SPTSSA: variants seen among roughly 807,000 people sequenced by gnomAD.
SPTSSA encodes small subunit of serine palmitoyltransferase A.
SPTSSA carries 8 observed loss-of-function variants against 9.1 expected under a neutral mutation model. The observed-to-expected ratio is 0.88, with a 90% CI of 0.51 to 1.58. SPTSSA has a LOEUF of 1.58. SPTSSA is among the 40% of genes most tolerant of loss of function. SPTSSA has a pLI of 0.00. For missense variants in SPTSSA, 100 were observed against 93.8 expected, an observed-to-expected ratio of 1.07 and a Z score of -0.27; for synonymous variants, 42 against 37.7, an observed-to-expected ratio of 1.11 and a Z score of -0.41.
At chr14:34,456,212 C>G (rs947078453) in intron 1 of SPTSSA, among the ~76,000 whole-genome samples, 1 of 151,210 alleles carries the variant, frequency 6.6e-6, no homozygotes, top group African/African-American at 2.4e-5. Context: ...ATCCCAGCTA[C>G]TTGGGAGGCT....
intron 1 of SPTSSA, among the ~76,000 whole-genome samples, chr14:34,461,157 A>G (rs1878608227): frequency 1.3e-5 from 2 of 152,240 alleles, no homozygotes; most frequent in South Asian, 4.1e-4. Flanking sequence ...GTTTTGTGAA[A>G]TACCTGTTTT....
chr14:34,454,470 C>T (rs1883578769), intron 1 of SPTSSA, among the ~76,000 whole-genome samples: 1 of 152,192 alleles, frequency 6.6e-6, no homozygotes, highest in Non-Finnish European at 1.5e-5. Context: ...CAACCAAAAA[C>T]TACTAAAGAA....
At chr14:34,446,111 G>C (rs1421711779) in intron 1 of SPTSSA, among the ~76,000 whole-genome samples, 1 of 152,160 alleles carries the variant, frequency 6.6e-6, no homozygotes, top group Non-Finnish European at 1.5e-5. Flanking sequence ...GGTAAAAAAA[G>C]CTTTTTATCG....
At chr14:34,435,551 G>T (rs1232224767) in intron 1 of SPTSSA, among the ~76,000 whole-genome samples, 1 of 149,818 alleles carries the variant, frequency 6.7e-6, no homozygotes, top group Non-Finnish European at 1.5e-5. Context: ...ACCATATAAA[G>T]TAAGTACTGT....
chr14:34,444,909 T>C (rs1455167630), intron 1 of SPTSSA, among the ~76,000 whole-genome samples: 8 of 151,296 alleles, frequency 5.3e-5, no homozygotes, highest in Non-Finnish European at 1.0e-4. Context: ...CTGGCCAACA[T>C]GGTGAAACCC....
chr14:34,452,597 A>C (rs1883548729), intron 1 of SPTSSA, among the ~76,000 whole-genome samples: 1 of 152,196 alleles, frequency 6.6e-6, no homozygotes, highest in South Asian at 2.1e-4. Flanking sequence ...ATGAGTAATG[A>C]TCACGGACTG....
chr14:34,445,681 ATTAT>A (rs1883408321), intron 1 of SPTSSA, among the ~76,000 whole-genome samples: 1 of 152,158 alleles, frequency 6.6e-6, no homozygotes, highest in Non-Finnish European at 1.5e-5. Context: ...GGTAAACAGG[ATTAT>A]TTGACATGTT....
chr14:34,461,218 A>C (rs1003566326), intron 1 of SPTSSA, among the ~76,000 whole-genome samples: 1 of 152,214 alleles, frequency 6.6e-6, no homozygotes, highest in African/African-American at 2.4e-5. Context: ...ATCAGTATTT[A>C]ATCTGCAAGA....
At chr14:34,449,499 C>T (rs1425676392) in intron 1 of SPTSSA, among the ~76,000 whole-genome samples, 1 of 140,664 alleles carries the variant, frequency 7.1e-6, no homozygotes, top group African/African-American at 3.0e-5. Context: ...TGCACCCGGC[C>T]TCCCTTTTTT....
intron 1 of SPTSSA, among the ~76,000 whole-genome samples, chr14:34,450,826 G>A (rs991191104): frequency 4.6e-5 from 7 of 152,154 alleles, no homozygotes; most frequent in African/African-American, 7.2e-5. Context: ...GAAGATAAAT[G>A]TTTGTTCAAG....
chr14:34,458,407 TTCC>T (rs1444121813), intron 1 of SPTSSA, among the ~76,000 whole-genome samples: 2 of 152,134 alleles, frequency 1.3e-5, no homozygotes, highest in African/African-American at 4.8e-5. Context: ...TGGTCTCACA[TTCC>T]TGGACTCCAG....
intron 1 of SPTSSA, 107 bp downstream of exon 1, chr14:34,461,989 C>A: frequency 1.3e-6 from 1 of 766,220 alleles, no homozygotes; most frequent in African/African-American, 1.9e-5. Context: ...ACAGGACCGG[C>A]GGGGCCGCCG....
In SPTSSA at chr14:34,432,996, A is replaced by G. The variant is rs1883182272; in HGVS notation, c.*2205T>C. Reference sequence around the variant, plus strand: ...GTCTGAAACTGAACCCACAATAACTACAAGGTATGCTTGTAAATACCTTAT... The same window carrying G: ...GTCTGAAACTGAACCCACAATAACTGCAAGGTATGCTTGTAAATACCTTAT... On this transcript the variant is annotated 3_prime_UTR_variant, in exon 2 of 2. Transcript: ENST00000298130. 1 of 152,206 alleles carries G rather than the reference A, an allele frequency of 6.6e-6. No homozygotes were observed. Among genetic ancestry groups the G allele is most frequent in the African/African-American group, 2.4e-5 (1 of 41,454 alleles). 9.4% of individuals were successfully genotyped at this position (152,206 alleles called of 1,614,324 possible).
At chr14:34,435,499 T>C (rs562980481) in intron 1 of SPTSSA, among the ~76,000 whole-genome samples, 195 bp from the exon 2 acceptor site, 1 of 152,142 alleles carries the variant, frequency 6.6e-6, no homozygotes, top group South Asian at 2.1e-4. Flanking sequence ...TCTAAGCTGG[T>C]TTTGTTTTAT....
chr14:34,438,531 A>G (rs1415274035), intron 1 of SPTSSA, among the ~76,000 whole-genome samples: 1 of 152,156 alleles, frequency 6.6e-6, no homozygotes, highest in African/African-American at 2.4e-5. Flanking sequence ...TACTTACGGT[A>G]CATTTCCATC....
At chr14:34,452,117 C>T (rs943254955) in intron 1 of SPTSSA, among the ~76,000 whole-genome samples, 10 of 151,798 alleles carry the variant, frequency 6.6e-5, no homozygotes, top group South Asian at 6.2e-4. Flanking sequence ...GACGCAGTGA[C>T]GCACACCTGT....
chr14:34,435,621 C>CTTTTTTTTTTTTTTTTTTTTTTTTTTTTT (rs1222408409), intron 1 of SPTSSA, among the ~76,000 whole-genome samples: 1 of 105,750 alleles, frequency 9.5e-6, no homozygotes, highest in Non-Finnish European at 1.9e-5. Context: ...TTGTTTGTTT[C>CTTTTTTTTTTTTTTTTTTTTTTTTTTTTT]TCTTTTTTTT....
chr14:34,447,943 C>G (rs1883450482), intron 1 of SPTSSA, among the ~76,000 whole-genome samples: 1 of 152,064 alleles, frequency 6.6e-6, no homozygotes, highest in Non-Finnish European at 1.5e-5. Flanking sequence ...GTGAAGACAC[C>G]ACCCCTGGCC....
At chr14:34,444,613 G>A (rs138515950) in intron 1 of SPTSSA, among the ~76,000 whole-genome samples, 2,333 of 152,086 alleles carry the variant, frequency 0.015, 22 homozygotes, top group Middle Eastern at 0.071. Context: ...TTAGCTGGGC[G>A]TGGTGGCAGG....
Sources: allele counts gnomAD v4.1 joint callset (sites outside exome capture counted in the v4.1 genomes callset), GRCh38; gene constraint gnomAD v4.1.1; transcripts MANE v1.5; gene names NCBI Gene and HGNC (gene_info 2026-07-23, HGNC 2026-07-21).